Variants in DLC1 observed in about 807,000 individuals in gnomAD.
The protein encoded by DLC1 is DLC1 Rho GTPase activating protein.
A neutral mutation model predicts 140.3 loss-of-function variants in DLC1; 54 were observed. The observed-to-expected ratio is 0.38, with a 90% CI of 0.31 to 0.48. The LOEUF (loss-of-function observed/expected upper bound fraction) is 0.48. Ranked by LOEUF, DLC1 falls within the 20% of genes least tolerant of loss-of-function variation. DLC1 has a pLI of 0.96. For missense variants in DLC1, 2,536 were observed against 1,907.0 expected (o/e 1.33, Z -6.14); for synonymous variants, 986 against 728.1 (o/e 1.35, Z -5.70).
At chr8:13,594,133 C>G (rs1232614034) in intron 1 of DLC1, among the ~76,000 whole-genome samples, 1 of 151,970 alleles carries the variant, frequency 6.6e-6, no homozygotes, top group Non-Finnish European at 1.5e-5. Context: ...TGCACTCCAG[C>G]CTGGGCAACA....
chr8:13,189,884 GA>G (rs55980575), intron 5 of DLC1, among the ~76,000 whole-genome samples: 91,563 of 148,858 alleles, frequency 0.62, 28,268 homozygotes, highest in East Asian at 0.86. Context: ...CTCCATCCCA[GA>G]AAAAAAAAAA....
At chr8:13,229,217 G>A (rs1479384312) in intron 5 of DLC1, among the ~76,000 whole-genome samples, 4 of 152,136 alleles carry the variant, frequency 2.6e-5, no homozygotes, top group African/African-American at 9.7e-5. Flanking sequence ...AATGGATGAA[G>A]TGTGGTATAT....
chr8:13,159,066 G>C (rs541755788), intron 5 of DLC1, among the ~76,000 whole-genome samples: 2 of 152,212 alleles, frequency 1.3e-5, no homozygotes, highest in East Asian at 1.9e-4. Context: ...AGGAGTTTTG[G>C]CTTCATATTC....
chr8:13,443,484 C>A (rs1398972152), intron 2 of DLC1, among the ~76,000 whole-genome samples: 11 of 150,520 alleles, frequency 7.3e-5, no homozygotes, highest in Non-Finnish European at 1.6e-4. Flanking sequence ...ATGGTGAAAC[C>A]CCGTCTCTAC....
intron 5 of DLC1, among the ~76,000 whole-genome samples, chr8:13,274,837 A>T (rs779682797): frequency 2.6e-5 from 4 of 152,206 alleles, no homozygotes; most frequent in Non-Finnish European, 5.9e-5. Flanking sequence ...CATTTGCGGC[A>T]TTGTTTATTA....
At chr8:13,577,351 G>T (rs775606981) in intron 1 of DLC1, among the ~76,000 whole-genome samples, 53 of 152,192 alleles carry the variant, frequency 3.5e-4, no homozygotes, top group African/African-American at 1.3e-3. Context: ...CGATGGGTCA[G>T]TGTCCGTGTC....
chr8:13,511,247 A>G lies in DLC1; in HGVS notation c.-126+3355T>C, dbSNP rs191925003. ...TAATACAGAAACAACCTTTTCACAC[A>G]TGCAATTGTCTTTTCCACCCATTTA... On this transcript the variant is annotated intron_variant, in intron 1 of 17. Coordinates refer to ENST00000276297, the MANE Select transcript of DLC1 (RefSeq NM_182643.3). Among the ~76,000 whole-genome samples, 362 of 152,256 alleles carry G rather than the reference A, an allele frequency of 2.4e-3. 3 individuals are homozygous for G. The highest frequency in any genetic ancestry group is 0.022 in the Admixed American group (330 of 15,296).
chr8:13,188,870 T>C (rs1038602077), intron 5 of DLC1, among the ~76,000 whole-genome samples: 3 of 123,544 alleles, frequency 2.4e-5, no homozygotes, highest in Non-Finnish European at 3.4e-5. Context: ...TTTTTTTTTT[T>C]AGTGGAGATG....
intron 2 of DLC1, among the ~76,000 whole-genome samples, chr8:13,483,112 T>A (rs942871560): frequency 6.6e-6 from 1 of 152,124 alleles, no homozygotes; most frequent in Admixed American, 6.5e-5. Context: ...CTTCAGGCGC[T>A]CCTCTACTTA....
intron 5 of DLC1, among the ~76,000 whole-genome samples, chr8:13,304,143 T>G (rs574631976): frequency 6.6e-6 from 1 of 152,176 alleles, no homozygotes; most frequent in African/African-American, 2.4e-5. Flanking sequence ...CCATTCAATA[T>G]ATGGTAAATA....
At chr8:13,458,477 A>G (rs568881619) in intron 2 of DLC1, among the ~76,000 whole-genome samples, 1 of 152,336 alleles carries the variant, frequency 6.6e-6, no homozygotes, top group East Asian at 1.9e-4. Flanking sequence ...GTTCTAACAT[A>G]GAGTGAGCTC....
chr8:13,538,437 C>G (rs1246863777), intron 1 of DLC1, among the ~76,000 whole-genome samples: 1 of 151,594 alleles, frequency 6.6e-6, no homozygotes, highest in African/African-American at 2.4e-5. Flanking sequence ...ATGGTGTCAA[C>G]AACAGCTGTG....
chr8:13,488,581 T>A (rs943686706), intron 2 of DLC1, among the ~76,000 whole-genome samples: 1 of 152,156 alleles, frequency 6.6e-6, no homozygotes, highest in Admixed American at 6.5e-5. Flanking sequence ...AAATCTAAAA[T>A]GTATCCTTTA....
chr8:13,596,636 T>G (rs1805689056), intron 1 of DLC1, among the ~76,000 whole-genome samples: 1 of 151,986 alleles, frequency 6.6e-6, no homozygotes, highest in South Asian at 2.1e-4. Context: ...AGAATGGATA[T>G]GCTTATTGAG....
In DLC1 at chr8:13,396,144, C is replaced by T. The variant is rs185131081; in HGVS notation, c.1174-2451G>A. Among the ~76,000 whole-genome samples, 717 of 148,860 alleles carry T rather than the reference C, an allele frequency of 4.8e-3. 5 individuals are homozygous for T. The highest frequency in any genetic ancestry group is 0.016 in the African/African-American group (668 of 40,682). On this transcript the variant is annotated intron_variant, in intron 3 of 17. Transcript: ENST00000276297. ...GTGCGATCTCTGCTCACTGCAAGCTCCGCCTCCTGGGTTCACACCATTCTC... is the reference window on the plus strand; with the variant it reads ...GTGCGATCTCTGCTCACTGCAAGCTTCGCCTCCTGGGTTCACACCATTCTC...
At chr8:13,103,610 A>C (rs1205242539) in intron 7 of DLC1, among the ~76,000 whole-genome samples, 1 of 151,928 alleles carries the variant, frequency 6.6e-6, no homozygotes, top group African/African-American at 2.4e-5. Flanking sequence ...AGGCCGAGGC[A>C]GGCAGATCAC....
intron 5 of DLC1, among the ~76,000 whole-genome samples, chr8:13,279,331 A>G (rs368771643): frequency 1.3e-5 from 2 of 152,324 alleles, no homozygotes; most frequent in East Asian, 3.9e-4. Flanking sequence ...TCTCTAGGAC[A>G]ATACTTAACA....
chr8:13,525,202 A>G (rs1232033178), intron 1 of DLC1, among the ~76,000 whole-genome samples: 1 of 152,204 alleles, frequency 6.6e-6, no homozygotes, highest in Non-Finnish European at 1.5e-5. Flanking sequence ...CATTGGAGGA[A>G]TATATCACGA....
intron 5 of DLC1, among the ~76,000 whole-genome samples, chr8:13,237,881 T>C (rs1829362205): frequency 6.7e-6 from 1 of 148,500 alleles, no homozygotes; most frequent in Non-Finnish European, 1.5e-5. Context: ...ACTTACCTAA[T>C]ACATATATTG....
Sources: allele counts gnomAD v4.1 joint callset (sites outside exome capture counted in the v4.1 genomes callset), GRCh38; gene constraint gnomAD v4.1.1; transcripts MANE v1.5; gene names NCBI Gene and HGNC (gene_info 2026-07-23, HGNC 2026-07-21).